Variants in C9orf57 observed in about 807,000 individuals in gnomAD.
The protein encoded by C9orf57 is chromosome 9 open reading frame 57.
In C9orf57, 12 loss-of-function variants were observed where a neutral mutation model predicts 12.9. That is an observed-to-expected ratio of 0.93 (90% CI 0.60 to 1.51). The LOEUF (loss-of-function observed/expected upper bound fraction) is 1.51. C9orf57 is among the 40% of genes most tolerant of loss of function. The pLI, the probability that C9orf57 is intolerant of heterozygous loss-of-function variation, is 0.00. For synonymous variants in C9orf57, 49 were observed against 57.1 expected (o/e 0.86, Z 0.64); for missense variants, 141 against 162.8 (o/e 0.87, Z 0.73).
chr9:72,056,080 T>G lies in C9orf57; in HGVS notation c.274A>C (p.Ile92Leu), dbSNP rs1049297620. 1 of 1,546,398 alleles carries G rather than the reference T, an allele frequency of 6.5e-7. No individual in the cohort carries two copies. Among genetic ancestry groups the G allele is most frequent in the African/African-American group, 1.4e-5 (1 of 72,916 alleles). ...PGQYCKEEVH[I>L]QGGIQWYSVK... ...TTAAAGTGTCAAAACTTACCTTGAA[T>G]GTGGACCTCTTCTTTACAGTACTGA... The change falls in exon 4 of 5, where the codon ATT becomes CTT. Residue 92 changes from isoleucine (I) to leucine (L), a missense_variant. By Grantham distance (5) the Ile-to-Leu change is conservative. Transcript: ENST00000651200.
Position 72,052,157 on chromosome 9 carries a change from T to G in C9orf57, c.*139A>C. ...GGAATATTGAAAACCAAAGTCAATT[T>G]CAGATCAAAATTCCTTCTACCTACA... On this transcript the variant is annotated 3_prime_UTR_variant, in exon 5 of 5. Transcript: ENST00000651200. 1 of 917,962 alleles carries G rather than the reference T, an allele frequency of 1.1e-6. No homozygotes were observed. The highest frequency in any genetic ancestry group is 3.6e-4 in the Middle Eastern group (1 of 2,794). The allele number at this position is 917,962 out of a possible 1,614,324, so 56.9% of individuals were successfully genotyped here.
chr9:72,054,978 G>A (rs1243047426), intron 4 of C9orf57, among the ~76,000 whole-genome samples: 1 of 142,516 alleles, frequency 7.0e-6, no homozygotes, highest in Non-Finnish European at 1.5e-5. Context: ...GCAGTGCAGT[G>A]GTTCAATCTC....
At chr9:72,057,410 A>G (rs1188181765) in intron 2 of C9orf57, among the ~76,000 whole-genome samples, 1 of 151,612 alleles carries the variant, frequency 6.6e-6, no homozygotes, top group African/African-American at 2.4e-5. Context: ...TATTTTTAGT[A>G]GAGATGGGGT....
chr9:72,052,538 A>C, intron 4 of C9orf57, 103 bp from the exon 5 acceptor site: 2 of 1,094,548 alleles, frequency 1.8e-6, no homozygotes, highest in Non-Finnish European at 2.6e-6. Context: ...CTTTAGTTTT[A>C]TCAAGGTACG....
At chr9:72,059,712 T>C (rs566614412) in intron 1 of C9orf57, among the ~76,000 whole-genome samples, 2 of 152,230 alleles carry the variant, frequency 1.3e-5, no homozygotes, top group East Asian at 1.9e-4. Context: ...TCCCAGCTAC[T>C]TGGGAGGCTG....
Sources: allele counts gnomAD v4.1 joint callset (sites outside exome capture counted in the v4.1 genomes callset), GRCh38; gene constraint gnomAD v4.1.1; transcripts MANE v1.5; gene names NCBI Gene and HGNC (gene_info 2026-07-23, HGNC 2026-07-21).